The following SEL1L3 variants were observed in gnomAD, a reference collection of about 807,000 sequenced individuals.
The protein encoded by SEL1L3 is SEL1L family member 3, also known as protein sel-1 homolog 3.
SEL1L3 carries 76 observed loss-of-function variants against 142.8 expected under a neutral mutation model. That is an observed-to-expected ratio of 0.53 (90% CI 0.44 to 0.64). The LOEUF (loss-of-function observed/expected upper bound fraction) is 0.64. SEL1L3 is among the 30% of genes least tolerant of loss of function. The pLI is 0.00. For synonymous variants in SEL1L3, 504 were observed against 519.6 expected, an observed-to-expected ratio of 0.97 and a Z score of 0.41; for missense variants, 1,262 against 1,381.7, an observed-to-expected ratio of 0.91 and a Z score of 1.37.
chr4:25,727,016 C>T, the SEL1L3 span, among the ~76,000 whole-genome samples: 3 of 151,318 alleles, frequency 2.0e-5, no homozygotes, highest in Admixed American at 1.3e-4. Context: ...CAGCGCCCTT[C>T]GTGTCTCTCT....
intron 1 of SEL1L3, among the ~76,000 whole-genome samples, chr4:25,855,757 T>C (rs980636528): frequency 1.3e-5 from 2 of 151,268 alleles, no homozygotes; most frequent in African/African-American, 4.9e-5. Context: ...CGAGATTCCG[T>C]CTCAGGAAAA....
Position 25,767,598 on chromosome 4 carries a change from C to T in SEL1L3, c.2772G>A (p.Arg924=). 3.8e-6 allele frequency: 6 copies of T among 1,598,906 alleles called. No individual in the cohort carries two copies. Among genetic ancestry groups the T allele is most frequent in the Non-Finnish European group, 5.1e-6 (6 of 1,170,056 alleles). The stretch of plus-strand genomic sequence containing the variant: ...AAACACAGTTAACACCCAAGTATCT[C>T]CTGGCCAGGTCCTAAGGGGTAAAGG... ...HICEERPDLA[R]RYLGVNCVWR... is the part of the protein sequence containing the mutation. The change falls in exon 19 of 24, where the codon AGG becomes AGA. Residue 924 remains arginine, a synonymous_variant. Coordinates refer to ENST00000399878, the MANE Select transcript of SEL1L3 (RefSeq NM_015187.5).
chr4:25,786,401 C>A (rs539746690), intron 13 of SEL1L3, among the ~76,000 whole-genome samples: 2 of 152,218 alleles, frequency 1.3e-5, no homozygotes, highest in South Asian at 2.1e-4. Flanking sequence ...GAATGCAGAA[C>A]CCCCCTCTCT....
At position 25,782,349 on chromosome 4, in the gene SEL1L3, C is replaced by T. The variant is rs1475122554; in HGVS notation, c.2350G>A (p.Ala784Thr). 3.7e-6 allele frequency: 6 copies of T among 1,613,900 alleles called. No homozygotes were observed. Among genetic ancestry groups the T allele is most frequent in the Non-Finnish European group, 5.1e-6 (6 of 1,179,786 alleles). The change falls in exon 15 of 24, where the codon GCA becomes ACA. Residue 784 changes from alanine to threonine, a missense_variant. Ala to Thr is a moderately conservative substitution (Grantham distance 58). Transcript: ENST00000399878. ...TCTTCTGCTTTTAACCAGTACTTTG[C>T]TGCTTTGGCGTAATTTTTCTTGAAT... ...HKFKKNYAKA[A>T]KYWLKAEEMG...
chr4:25,848,644 A>G (rs903316149), intron 1 of SEL1L3, among the ~76,000 whole-genome samples: 2 of 152,260 alleles, frequency 1.3e-5, no homozygotes, highest in Non-Finnish European at 2.9e-5. Context: ...CAATAGAAAA[A>G]GGTCACTTTG....
Position 25,840,869 on chromosome 4 carries a change from A to G in SEL1L3, c.734-5546T>C, listed in dbSNP as rs1271961699. ...TAGGCAGCCACCCCCAAGCAACACA[A>G]GCTAGCCTGTGAGATGAAGCCCTTG... is the stretch of plus-strand genomic sequence containing the variant. On this transcript the variant is annotated intron_variant, in intron 2 of 23. Coordinates refer to ENST00000399878, the MANE Select transcript of SEL1L3 (RefSeq NM_015187.5). 2.6e-5 allele frequency among the ~76,000 whole-genome samples: 4 copies of G among 152,242 alleles called. No homozygotes were observed. In the East Asian group the frequency reaches 7.7e-4, roughly 29 times the overall value.
At chr4:25,813,085 G>A (rs1358018220) in intron 9 of SEL1L3, among the ~76,000 whole-genome samples, 1 of 152,174 alleles carries the variant, frequency 6.6e-6, no homozygotes, top group Non-Finnish European at 1.5e-5. Context: ...GAACCCTTGT[G>A]CACCGTTGGA....
At chr4:25,757,456 C>CAAAAAA (rs1560277078) in intron 23 of SEL1L3, 78 bp downstream of exon 23, 4 of 527,110 alleles carry the variant, frequency 7.6e-6, no homozygotes, top group East Asian at 5.4e-5. Context: ...TTCCAGTAGA[C>CAAAAAA]CAAAAAAAAA....
intron 1 of SEL1L3, among the ~76,000 whole-genome samples, chr4:25,849,001 A>T (rs186563722): frequency 6.3e-4 from 96 of 152,276 alleles, no homozygotes; most frequent in East Asian, 6.2e-3. Flanking sequence ...CAGTTGGGCA[A>T]GGTGGTGCAC....
intron 14 of SEL1L3, among the ~76,000 whole-genome samples, chr4:25,783,079 C>A (rs1245693917): frequency 6.6e-6 from 1 of 152,182 alleles, no homozygotes; most frequent in Non-Finnish European, 1.5e-5. Flanking sequence ...AAAATTGATA[C>A]AGAATAAAGC....
intron 6 of SEL1L3, among the ~76,000 whole-genome samples, chr4:25,823,117 G>A (rs113020900): frequency 6.6e-6 from 1 of 152,208 alleles, no homozygotes; most frequent in African/African-American, 2.4e-5. Context: ...GGGTGGTGGG[G>A]GGTTGGGATG....
At chr4:25,861,403 T>A (rs892662222) in intron 1 of SEL1L3, among the ~76,000 whole-genome samples, 3 of 152,228 alleles carry the variant, frequency 2.0e-5, no homozygotes, top group Non-Finnish European at 2.9e-5. Flanking sequence ...AACAGGTAGA[T>A]GCACAGGCAG....
the SEL1L3 span, among the ~76,000 whole-genome samples, chr4:25,739,435 G>C: frequency 2.7e-5 from 4 of 150,502 alleles, no homozygotes; most frequent in African/African-American, 9.8e-5. Flanking sequence ...GGCCAGGAGT[G>C]GTGGCTCACG....
In SEL1L3 at chr4:25,750,937, C is replaced by T. The variant is rs181675001; in HGVS notation, c.3260-2373G>A. The stretch of plus-strand genomic sequence containing the variant: ...GGTTTAAAACGTTACCTAGTTGTAC[C>T]GAGGAGCTAGCAGTTCTGCAAATCT... On this transcript the variant is annotated intron_variant, in intron 23 of 23. Coordinates refer to ENST00000399878, the MANE Select transcript of SEL1L3 (RefSeq NM_015187.5). Among the ~76,000 whole-genome samples, 7 of 152,280 alleles carry T rather than the reference C, an allele frequency of 4.6e-5. No homozygotes were observed. In the East Asian group the frequency reaches 7.7e-4, roughly 17 times the overall value.
the SEL1L3 span, among the ~76,000 whole-genome samples, chr4:25,741,629 C>T: frequency 6.6e-6 from 1 of 152,028 alleles, no homozygotes; most frequent in Non-Finnish European, 1.5e-5. Flanking sequence ...GATGTTGATA[C>T]TTCAGGTGTG....
downstream of SEL1L3, among the ~76,000 whole-genome samples, chr4:25,744,777 T>C (rs1279318339): frequency 4.3e-4 from 66 of 152,156 alleles, no homozygotes; most frequent in Admixed American, 4.3e-3. Context: ...GGTGTCCTTA[T>C]GAGAAAAGAC....
At chr4:25,751,757 A>G (rs1717606666) in intron 23 of SEL1L3, among the ~76,000 whole-genome samples, 6 of 151,582 alleles carry the variant, frequency 4.0e-5, no homozygotes, top group Admixed American at 2.6e-4. Flanking sequence ...GAAAGTATCA[A>G]TTGAGCTATC....
At chr4:25,814,633 AGACGCT>A (rs1714251975) in intron 9 of SEL1L3, among the ~76,000 whole-genome samples, 1 of 151,978 alleles carries the variant, frequency 6.6e-6, no homozygotes, top group Non-Finnish European at 1.5e-5. Context: ...AGCTAGGGCC[AGACGCT>A]GTGGGCAGGA....
At chr4:25,719,706 T>A in the SEL1L3 span, 1 of 152,152 alleles carries the variant, frequency 6.6e-6, no homozygotes. Flanking sequence ...AATCATGTCA[T>A]CGGTAACAGT....
Sources: allele counts gnomAD v4.1 joint callset (sites outside exome capture counted in the v4.1 genomes callset), GRCh38; gene constraint gnomAD v4.1.1; transcripts MANE v1.5; gene names NCBI Gene and HGNC (gene_info 2026-07-23, HGNC 2026-07-21).